The following VAV3 variants were observed in gnomAD, a reference collection of about 807,000 sequenced individuals.
The protein encoded by VAV3 is vav guanine nucleotide exchange factor 3.
In VAV3, 94 loss-of-function variants were observed where a neutral mutation model predicts 131.2. That is an observed-to-expected ratio of 0.72 (90% CI 0.61 to 0.85). The LOEUF is 0.85. Among genes scored for constraint, VAV3 ranks in the 40% least tolerant of loss-of-function variants. The pLI, the probability that VAV3 is intolerant of heterozygous loss-of-function variation, is 0.00. For missense variants in VAV3, 939 were observed against 1,002.7 expected, an observed-to-expected ratio of 0.94 and a Z score of 0.86; for synonymous variants, 349 against 342.0, an observed-to-expected ratio of 1.02 and a Z score of -0.22.
intron 1 of VAV3, among the ~76,000 whole-genome samples, chr1:107,916,173 A>T (rs897193174): frequency 5.3e-5 from 8 of 152,124 alleles, no homozygotes; most frequent in Non-Finnish European, 1.2e-4. Context: ...AGGGAAGGGG[A>T]GTGTTGCACA....
At chr1:107,946,270 C>T (rs1674256421) in intron 1 of VAV3, among the ~76,000 whole-genome samples, 1 of 152,124 alleles carries the variant, frequency 6.6e-6, no homozygotes, top group African/African-American at 2.4e-5. Flanking sequence ...TATAAACACC[C>T]TGCAATAATA....
At chr1:107,870,246 C>T (rs1462312328) in intron 2 of VAV3, among the ~76,000 whole-genome samples, 2 of 152,122 alleles carry the variant, frequency 1.3e-5, no homozygotes, top group Non-Finnish European at 2.9e-5. Context: ...AGTTTACATT[C>T]CCACCAGCAG....
At chr1:107,593,767 T>A (rs1423818940) in intron 25 of VAV3, among the ~76,000 whole-genome samples, 1 of 152,092 alleles carries the variant, frequency 6.6e-6, no homozygotes, top group African/African-American at 2.4e-5. Context: ...GCAAGTTATA[T>A]TTAAAAAATC....
rs1024218587 is a variant in VAV3, at chr1:107,941,415, A to G, written c.204+23251T>C. Among the ~76,000 whole-genome samples the G allele has an allele frequency of 2.0e-5, 3 of 152,158 alleles. No homozygotes were observed. The South Asian group carries it at 6.2e-4, about 31-fold the overall frequency. ...TTTGGGCTGTAAAAACTGCTTCCTG[A>G]GGAAGGTCATCTCTTAGTCCTCTCA... is the stretch of plus-strand genomic sequence containing the variant. On this transcript the variant is annotated intron_variant, in intron 1 of 26. Coordinates refer to ENST00000370056, the MANE Select transcript of VAV3 (RefSeq NM_006113.5).
At chr1:107,744,605 C>T (rs1663222497) in intron 15 of VAV3, among the ~76,000 whole-genome samples, 1 of 152,092 alleles carries the variant, frequency 6.6e-6, no homozygotes, top group South Asian at 2.1e-4. Flanking sequence ...AACAAACAAA[C>T]ATTTTTTGCC....
intron 2 of VAV3, among the ~76,000 whole-genome samples, chr1:107,837,840 G>A (rs904610758): frequency 1.3e-5 from 2 of 152,116 alleles, no homozygotes; most frequent in African/African-American, 4.8e-5. Flanking sequence ...GCCATACACA[G>A]GAGAATGGAA....
rs1199280737 is a variant in VAV3, at chr1:107,702,349, C to T, written c.1705+2201G>A. Among the ~76,000 whole-genome samples the T allele has an allele frequency of 3.3e-5, 5 of 152,098 alleles. No individual in the cohort carries two copies. In the South Asian group the frequency reaches 6.2e-4, roughly 19 times the overall value. ...CTCCTGCCTGGCCCCTCCCTTGACA[C>T]GTGGGGATTACAATTCAGGATGAGA... is the stretch of plus-strand genomic sequence containing the variant. On this transcript the variant is annotated intron_variant, in intron 17 of 26. Coordinates refer to ENST00000370056, the MANE Select transcript of VAV3 (RefSeq NM_006113.5).
Position 107,816,697 on chromosome 1 carries a change from T to C in VAV3, c.322-37205A>G, listed in dbSNP as rs181529419. Among the ~76,000 whole-genome samples, 61 of 152,336 alleles carry C rather than the reference T, an allele frequency of 4.0e-4. No individual in the cohort carries two copies. In the East Asian group the frequency reaches 9.6e-3, roughly 24 times the overall value. The stretch of plus-strand genomic sequence containing the variant: ...CAGCTCAAATTTTTAAAGTAATAAA[T>C]TCTCGTTGTAGATAATTTGGAAAAT... On this transcript the variant is annotated intron_variant, in intron 2 of 26. Coordinates refer to ENST00000370056, the MANE Select transcript of VAV3 (RefSeq NM_006113.5).
intron 20 of VAV3, among the ~76,000 whole-genome samples, chr1:107,622,955 T>C (rs981110311): frequency 3.9e-5 from 6 of 152,128 alleles, no homozygotes; most frequent in African/African-American, 1.4e-4. Context: ...ATTATTCTGA[T>C]GAAGTTTGTG....
At chr1:107,800,282 T>C (rs1045876646) in intron 2 of VAV3, among the ~76,000 whole-genome samples, 6 of 152,126 alleles carry the variant, frequency 3.9e-5, no homozygotes, top group Non-Finnish European at 8.8e-5. Context: ...CAGTTTTCTA[T>C]ATTAGTTTTA....
chr1:107,907,224 G>C (rs575245111), intron 1 of VAV3, among the ~76,000 whole-genome samples: 1 of 152,126 alleles, frequency 6.6e-6, no homozygotes, highest in Admixed American at 6.5e-5. Context: ...CATATACAAA[G>C]TTTTAGTCAA....
chr1:107,813,014 T>C (rs1008379760), intron 2 of VAV3, among the ~76,000 whole-genome samples: 8 of 151,690 alleles, frequency 5.3e-5, no homozygotes, highest in African/African-American at 1.9e-4. Flanking sequence ...TCCCAGCTAC[T>C]TGGGAGGCTG....
At chr1:107,708,640 T>A (rs933640104) in intron 15 of VAV3, among the ~76,000 whole-genome samples, 1 of 152,140 alleles carries the variant, frequency 6.6e-6, no homozygotes, top group African/African-American at 2.4e-5. Flanking sequence ...CTCTTTGTTC[T>A]CCAGATATGC....
At chr1:107,786,852 C>T (rs1379058674) in intron 2 of VAV3, among the ~76,000 whole-genome samples, 1 of 152,092 alleles carries the variant, frequency 6.6e-6, no homozygotes, top group Non-Finnish European at 1.5e-5. Flanking sequence ...TACCCAGGCC[C>T]CACAACTCTA....
intron 2 of VAV3, among the ~76,000 whole-genome samples, chr1:107,831,304 T>C (rs1486154800): frequency 1.3e-5 from 2 of 152,210 alleles, no homozygotes; most frequent in Non-Finnish European, 2.9e-5. Flanking sequence ...CAATTTGATA[T>C]TACCAACTCA....
At position 107,621,089 on chromosome 1, in the gene VAV3, A is replaced by ATTTTT. The variant is rs5776895; in HGVS notation, c.1915-3462_1915-3458dup. On this transcript the variant is annotated intron_variant, in intron 20 of 26. Coordinates refer to ENST00000370056, the MANE Select transcript of VAV3 (RefSeq NM_006113.5). ...ACACATGGTCATCATATCAAAACTC[A>ATTTTT]TTTTTTTTTTTTTACCTCTTTTAAA... Among the ~76,000 whole-genome samples the ATTTTT allele has an allele frequency of 3.5e-3, 521 of 147,406 alleles. 4 individuals are homozygous for ATTTTT. Among genetic ancestry groups the ATTTTT allele is most frequent in the East Asian group, 6.6e-3 (33 of 5,036 alleles).
chr1:107,900,762 T>C (rs12725346), intron 1 of VAV3, among the ~76,000 whole-genome samples: 29,523 of 151,306 alleles, frequency 0.2, 3,361 homozygotes, highest in East Asian at 0.36. Flanking sequence ...ACCGAGGTTA[T>C]TGCATCACAA....
chr1:107,803,097 G>C (rs1428658662), intron 2 of VAV3, among the ~76,000 whole-genome samples: 1 of 151,688 alleles, frequency 6.6e-6, no homozygotes, highest in African/African-American at 2.4e-5. Context: ...GCATTTATCT[G>C]TTTCTTCTAG....
chr1:107,836,398 C>A (rs1668479201), intron 2 of VAV3, among the ~76,000 whole-genome samples: 1 of 152,096 alleles, frequency 6.6e-6, no homozygotes, highest in African/African-American at 2.4e-5. Context: ...TTACAACATA[C>A]CAAAATACTT....
Sources: gnomAD v4.1 joint callset for allele counts (sites outside exome capture counted in the v4.1 genomes callset) on GRCh38, gnomAD v4.1.1 for gene constraint, MANE v1.5 for transcripts, NCBI Gene and HGNC (gene_info 2026-07-23, HGNC 2026-07-21) for gene names.